The following ABLIM2 variants were observed in gnomAD, a reference collection of about 807,000 sequenced individuals.
ABLIM2 encodes actin binding LIM protein family member 2.
In ABLIM2, 53 loss-of-function variants were observed where a neutral mutation model predicts 97.7. That is an observed-to-expected ratio of 0.54 (90% CI 0.44 to 0.68). The LOEUF (loss-of-function observed/expected upper bound fraction) is 0.68, where lower values mean the gene tolerates loss of function less well. ABLIM2 is among the 30% of genes least tolerant of loss of function. ABLIM2 has a pLI of 0.00. For synonymous variants in ABLIM2, 361 were observed against 345.8 expected, an observed-to-expected ratio of 1.04 and a Z score of -0.49; for missense variants, 835 against 867.2, an observed-to-expected ratio of 0.96 and a Z score of 0.47.
In ABLIM2 at chr4:8,033,253, A is replaced by C. The variant is rs1268148385; in HGVS notation, c.1047+2896T>G. Among the ~76,000 whole-genome samples the C allele has an allele frequency of 6.6e-6, 1 of 152,226 alleles. No individual in the cohort carries two copies. Among genetic ancestry groups the C allele is most frequent in the African/African-American group, 2.4e-5 (1 of 41,472 alleles). On this transcript the variant is annotated intron_variant, in intron 10 of 20. Transcript: ENST00000447017. The surrounding 1 kb of genome is among the most constrained non-coding windows in gnomAD (Gnocchi z 4.5). ...GGTGGGAGGGGCCCAGAAAGAGCAC[A>C]GCCCTTGTGAGGTGAGCAAGCATTG...
At chr4:8,091,376 T>A (rs11728163) in intron 3 of ABLIM2, among the ~76,000 whole-genome samples, 2 of 53,054 alleles carry the variant, frequency 3.8e-5, no homozygotes, top group Non-Finnish European at 6.8e-5. Flanking sequence ...ATATTACATA[T>A]AATTATATTA....
At chr4:8,029,944 C>T (rs772096976) in intron 10 of ABLIM2, among the ~76,000 whole-genome samples, 168 bp from the exon 11 acceptor site, 15 of 152,154 alleles carry the variant, frequency 9.9e-5, no homozygotes, top group South Asian at 4.1e-4. Flanking sequence ...TCTGAAGAGC[C>T]GAGTGGGGCT....
chr4:8,101,361 G>A (rs529124161), intron 2 of ABLIM2, among the ~76,000 whole-genome samples: 1 of 152,334 alleles, frequency 6.6e-6, no homozygotes, highest in South Asian at 2.1e-4. Context: ...CTTAGGCTGT[G>A]CGGAACAAGG....
chr4:8,035,055 TA>T (rs1783721844), intron 10 of ABLIM2, among the ~76,000 whole-genome samples: 1 of 72,960 alleles, frequency 1.4e-5, no homozygotes, highest in Non-Finnish European at 3.1e-5. Context: ...GGGTGGTAGG[TA>T]GGTGGGTGCA....
rs200191701 is a variant in ABLIM2, at chr4:8,036,217, G to A, written c.979C>T (p.Arg327Cys). The A allele has an allele frequency of 3.4e-4, 548 of 1,613,766 alleles. 1 individual carries two copies. Among genetic ancestry groups the A allele is most frequent in the Non-Finnish European group, 4.1e-4 (484 of 1,179,822 alleles). Residue 327 changes from arginine to cysteine, a missense_variant, in exon 10 of 21, where the codon CGC becomes TGC. Transcript: ENST00000447017. ...PKSKAIYDID[R>C]PDMISYSPYI... ...GGTGAGTAGGAGATCATGTCGGGGC[G>A]GTCGATGTCATAGATGGCCTTACTT...
At position 8,149,792 on chromosome 4, in the gene ABLIM2, C is replaced by A. The variant is rs1337585379; in HGVS notation, c.10+8888G>T. ...AAGGCCCGGACCTAGGCTGAGACTT[C>A]CCCAGCACCTCACACTCAGGACTGG... On this transcript the variant is annotated intron_variant, in intron 1 of 20. Transcript: ENST00000447017. This position sits in a 1 kb window ranked among gnomAD's most constrained non-coding sequence, Gnocchi z 6.4. 6.6e-6 allele frequency among the ~76,000 whole-genome samples: 1 copy of A among 152,040 alleles called. No homozygotes were observed. Among genetic ancestry groups the A allele is most frequent in the African/African-American group, 2.4e-5 (1 of 41,392 alleles).
chr4:8,049,139 C>G (rs549503261), intron 8 of ABLIM2, among the ~76,000 whole-genome samples: 1 of 152,142 alleles, frequency 6.6e-6, no homozygotes, highest in Non-Finnish European at 1.5e-5. Context: ...TGCCCATCCA[C>G]GTTTGTCTCC....
At position 8,020,256 on chromosome 4, in the gene ABLIM2, T is replaced by C; in HGVS notation, c.1315A>G (p.Ser439Gly). The C allele has an allele frequency of 6.2e-7, 1 of 1,613,938 alleles. No individual in the cohort carries two copies. Among genetic ancestry groups the C allele is most frequent in the Non-Finnish European group, 8.5e-7 (1 of 1,179,888 alleles). ...STPSLSVLSD[S>G]KPPPSTYQQA... ...TGGTAGGTGGAGGGGGGCGGCTTGC[T>C]GTCAGAGAGCACGGAGAGGCTGGGG... is the stretch of plus-strand genomic sequence containing the variant. Residue 439 changes from serine (S) to glycine (G), a missense_variant, in exon 13 of 21, where the codon AGC becomes GGC. By Grantham distance (56) the Ser-to-Gly change is moderately conservative. Coordinates refer to ENST00000447017, the MANE Select transcript of ABLIM2 (RefSeq NM_001130083.2).
intron 9 of ABLIM2, chr4:8,041,258 G>A (rs1788269224): frequency 1.3e-5 from 2 of 152,240 alleles, no homozygotes; most frequent in Non-Finnish European, 2.9e-5. Flanking sequence ...TCTCTCCTGT[G>A]GACGGGAACT....
chr4:8,051,674 C>T (rs538291704), intron 8 of ABLIM2, among the ~76,000 whole-genome samples: 2 of 152,314 alleles, frequency 1.3e-5, no homozygotes, highest in East Asian at 3.9e-4. Flanking sequence ...AGGCAGGCAC[C>T]GTTTGATATG....
At chr4:8,026,788 G>C (rs577761425) in intron 12 of ABLIM2, among the ~76,000 whole-genome samples, 5 of 152,190 alleles carry the variant, frequency 3.3e-5, no homozygotes, top group African/African-American at 1.2e-4. Flanking sequence ...GCAGGGTGTG[G>C]CTTCTCCTGA....
In ABLIM2 at chr4:8,002,864, C is replaced by T. The variant is rs917762081; in HGVS notation, c.1618+5195G>A. Among the ~76,000 whole-genome samples the T allele has an allele frequency of 1.3e-5, 2 of 152,244 alleles. No homozygotes were observed. Among genetic ancestry groups the T allele is most frequent in the East Asian group, 1.9e-4 (1 of 5,200 alleles). On this transcript the variant is annotated intron_variant, in intron 16 of 20. Transcript: ENST00000447017. This position sits in a 1 kb window ranked among gnomAD's most constrained non-coding sequence, Gnocchi z 6.1. ...CATATACCGGCCCTATTCAAGTGTA[C>T]ACCCACTTCAAGCCGTGCCAGGTAC...
At position 8,079,524 on chromosome 4, in the gene ABLIM2, A is replaced by G. The variant is rs190475622; in HGVS notation, c.581+1152T>C. 4.2e-3 allele frequency among the ~76,000 whole-genome samples: 643 copies of G among 152,294 alleles called. 7 individuals carry two copies. Among genetic ancestry groups the G allele is most frequent in the Non-Finnish European group, 5.1e-3 (345 of 68,036 alleles). ...CGCACAGGTCCCTCACCCTGGGTGC[A>G]AGCTCACCTTGGTTTGGAGGTTTTA... On this transcript the variant is annotated intron_variant, in intron 5 of 20. Coordinates refer to ENST00000447017, the MANE Select transcript of ABLIM2 (RefSeq NM_001130083.2).
At chr4:8,018,242 A>G (rs1454002341) in intron 14 of ABLIM2, among the ~76,000 whole-genome samples, 1 of 152,226 alleles carries the variant, frequency 6.6e-6, no homozygotes, top group Non-Finnish European at 1.5e-5. Context: ...GGTTAATAAA[A>G]GGCCAAGGTA....
At chr4:8,100,752 A>T (rs113325508) in intron 2 of ABLIM2, among the ~76,000 whole-genome samples, 1 of 18,316 alleles carries the variant, frequency 5.5e-5, no homozygotes, top group Non-Finnish European at 1.2e-4. Flanking sequence ...ATCTCAGGAA[A>T]AAAAAAAAAA....
At chr4:8,089,893 T>C (rs1248232551) in intron 3 of ABLIM2, among the ~76,000 whole-genome samples, 3 of 152,252 alleles carry the variant, frequency 2.0e-5, no homozygotes, top group East Asian at 1.9e-4. Flanking sequence ...GTCTACTCTC[T>C]CCTGCCAAGT....
intron 1 of ABLIM2, among the ~76,000 whole-genome samples, chr4:8,152,364 C>T (rs1456537543): frequency 2.0e-5 from 3 of 150,404 alleles, no homozygotes; most frequent in Admixed American, 6.6e-5. Flanking sequence ...GACTCGCAGG[C>T]ATTTCTTCCT....
intron 3 of ABLIM2, among the ~76,000 whole-genome samples, chr4:8,089,071 CATTA>C (rs1193227604): frequency 6.6e-6 from 1 of 152,204 alleles, no homozygotes; most frequent in Non-Finnish European, 1.5e-5. Context: ...TAAAGTATCG[CATTA>C]AAATATCATT....
In ABLIM2 at chr4:8,015,513, A is replaced by G. The variant is rs192141369; in HGVS notation, c.1423+4105T>C. Among the ~76,000 whole-genome samples the G allele has an allele frequency of 2.1e-4, 32 of 152,296 alleles. No individual in the cohort carries two copies. The East Asian group carries it at 5.8e-3, about 28-fold the overall frequency. ...TTGAGGTCAAAAAGGACCCAAAACC[A>G]AAATGAAACTCAACCCCACTAGAAT... On this transcript the variant is annotated intron_variant, in intron 14 of 20. Coordinates refer to ENST00000447017, the MANE Select transcript of ABLIM2 (RefSeq NM_001130083.2). This position sits in a 1 kb window ranked among gnomAD's most constrained non-coding sequence, Gnocchi z 4.6.
Sources: gnomAD v4.1 joint callset for allele counts (sites outside exome capture counted in the v4.1 genomes callset) on GRCh38, gnomAD v4.1.1 for gene constraint, Gnocchi (gnomAD v3.1) non-coding constraint, MANE v1.5 for transcripts, NCBI Gene and HGNC (gene_info 2026-07-23, HGNC 2026-07-21) for gene names.